COL11A1: variants seen among roughly 807,000 people sequenced by gnomAD.
COL11A1 encodes the protein collagen alpha-1(XI) chain.
COL11A1 carries 74 observed loss-of-function variants against 265.2 expected under a neutral mutation model. That is an observed-to-expected ratio of 0.28 (90% CI 0.23 to 0.34). The LOEUF is 0.34. COL11A1 is among the 10% of genes least tolerant of loss of function. The pLI, the probability that COL11A1 is intolerant of heterozygous loss-of-function variation, is 1.00. For synonymous variants in COL11A1, 816 were observed against 727.6 expected, an observed-to-expected ratio of 1.12 and a Z score of -1.96; for missense variants, 2,165 against 2,263.6, an observed-to-expected ratio of 0.96 and a Z score of 0.88.
At chr1:103,012,041 A>G (rs1055368366) in intron 14 of COL11A1, among the ~76,000 whole-genome samples, 9 of 152,180 alleles carry the variant, frequency 5.9e-5, no homozygotes, top group African/African-American at 1.9e-4. Context: ...GGCCTCAAAT[A>G]AATTTTTCTT....
intron 22 of COL11A1, 56 bp downstream of exon 22, chr1:103,002,691 G>T: frequency 6.9e-7 from 1 of 1,441,148 alleles, no homozygotes; most frequent in Non-Finnish European, 9.8e-7. Context: ...AACAAAAAAT[G>T]GTTTCTTAGG....
chr1:102,948,270 T>G (rs1301848619), intron 41 of COL11A1, among the ~76,000 whole-genome samples: 1 of 152,074 alleles, frequency 6.6e-6, no homozygotes, highest in East Asian at 1.9e-4. Context: ...TCCAGGTAGT[T>G]TATAGAGCTG....
At position 103,006,258 on chromosome 1, in the gene COL11A1, A is replaced by G; in HGVS notation, c.1737+4T>C. On this transcript the variant is annotated splice_donor_region_variant and intron_variant, in intron 16 of 66. Transcript: ENST00000370096. ...TCAAAATGCACAATGAAAATAAGCC[A>G]TACCCTTTTTCCAGGTTTTCCCGTT... 6.2e-7 allele frequency: 1 copy of G among 1,607,762 alleles called. No individual in the cohort carries two copies.
At chr1:102,915,445 A>G (rs573422305) in intron 50 of COL11A1, among the ~76,000 whole-genome samples, 186 bp downstream of exon 50, 1 of 152,218 alleles carries the variant, frequency 6.6e-6, no homozygotes, top group East Asian at 1.9e-4. Flanking sequence ...CAATTTGTTT[A>G]TCAATCCACA....
chr1:102,977,573 A>C (rs1189660850), intron 35 of COL11A1, among the ~76,000 whole-genome samples: 1 of 152,180 alleles, frequency 6.6e-6, no homozygotes, highest in Non-Finnish European at 1.5e-5. Flanking sequence ...TGAGAGAATC[A>C]GTGGTGCTCT....
intron 44 of COL11A1, among the ~76,000 whole-genome samples, chr1:102,937,037 A>T (rs1658218084): frequency 6.6e-6 from 1 of 152,178 alleles, no homozygotes; most frequent in Non-Finnish European, 1.5e-5. Flanking sequence ...CAAATGTAAC[A>T]ATGGTACTCT....
chr1:102,981,454 G>T (rs1472146453), intron 31 of COL11A1, among the ~76,000 whole-genome samples: 1 of 151,940 alleles, frequency 6.6e-6, no homozygotes, highest in Non-Finnish European at 1.5e-5. Context: ...CATATTTATA[G>T]ATACTTCATT....
At chr1:103,067,470 C>T (rs10782921) in intron 4 of COL11A1, among the ~76,000 whole-genome samples, 102,905 of 151,540 alleles carry the variant, frequency 0.68, 36,583 homozygotes, top group East Asian at 0.92. Context: ...AATTGTGTTA[C>T]GCAGCTAAAA....
At chr1:103,005,972 A>T (rs1665570089) in intron 17 of COL11A1, 81 bp from the exon 18 acceptor site, 1 of 1,611,834 alleles carries the variant, frequency 6.2e-7, no homozygotes, top group African/African-American at 1.3e-5. Flanking sequence ...TAAATGCGAA[A>T]TATTCTCTCA....
At chr1:103,055,640 C>A (rs145693625) in intron 4 of COL11A1, among the ~76,000 whole-genome samples, 1 of 152,152 alleles carries the variant, frequency 6.6e-6, no homozygotes, top group African/African-American at 2.4e-5. Flanking sequence ...ATACATTAAG[C>A]TTGTCCAACC....
chr1:102,910,639 C>T (rs1485313318), intron 54 of COL11A1, among the ~76,000 whole-genome samples: 3 of 152,020 alleles, frequency 2.0e-5, no homozygotes, highest in African/African-American at 7.2e-5. Context: ...TATGCCATAA[C>T]TCAGTGCTAA....
At chr1:102,881,559 A>C (rs1650243519) in intron 65 of COL11A1, 138 bp downstream of exon 65, 1 of 718,980 alleles carries the variant, frequency 1.4e-6, no homozygotes, top group African/African-American at 1.8e-5. Context: ...AGAGATATTA[A>C]GTGGAACAAA....
In COL11A1 at chr1:102,888,344, A is replaced by T. The variant is rs11164632; in HGVS notation, c.4608+233T>A. On this transcript the variant is annotated intron_variant, in intron 62 of 66. Coordinates refer to ENST00000370096, the MANE Select transcript of COL11A1 (RefSeq NM_001854.4). ...AATAGTATATGATTCTCTTGAAAAA[A>T]TAATAAAAACAAGACTATAATATAC... Among the ~76,000 whole-genome samples, 74,386 of 152,102 alleles carry T rather than the reference A, an allele frequency of 0.49. 21,793 individuals carry two copies. The highest frequency in any genetic ancestry group is 0.66 in the East Asian group (3,434 of 5,170).
At chr1:103,098,656 G>A (rs1401906389) in intron 1 of COL11A1, among the ~76,000 whole-genome samples, 1 of 151,828 alleles carries the variant, frequency 6.6e-6, no homozygotes, top group Non-Finnish European at 1.5e-5. Context: ...TGAAAAAGAT[G>A]TATTTCCTGC....
rs545721747 is a variant in COL11A1, at chr1:103,049,960, G to A, written c.652-18716C>T. ...TCTTCTGGCTTGTAGAGTTTCTGCC[G>A]AGAGATCAGCTGTTAATCTGATGGG... On this transcript the variant is annotated intron_variant, in intron 4 of 66. Transcript: ENST00000370096. Among the ~76,000 whole-genome samples, 89 of 152,256 alleles carry A rather than the reference G, an allele frequency of 5.8e-4. 1 individual carries two copies. Among genetic ancestry groups the A allele is most frequent in the Admixed American group, 2.0e-3 (30 of 15,292 alleles).
Position 103,015,668 on chromosome 1 carries a change from C to T in COL11A1, c.1488G>A (p.Pro496=), listed in dbSNP as rs772310071. ...CTCTATAACATAAAAAAGAACATAC[C>T]GGTAACATCAACATAGTACCAGGAG... ...PGPPGTMLML[P]FRYGGDGSKG... The change falls in exon 12 of 67, where the codon CCG becomes CCA. Residue 496 remains proline, a splice_region_variant and synonymous_variant. Coordinates refer to ENST00000370096, the MANE Select transcript of COL11A1 (RefSeq NM_001854.4). 1.6e-5 allele frequency: 25 copies of T among 1,601,790 alleles called. No individual in the cohort carries two copies. Among genetic ancestry groups the T allele is most frequent in the Non-Finnish European group, 2.0e-5 (23 of 1,172,180 alleles).
intron 15 of COL11A1, among the ~76,000 whole-genome samples, chr1:103,007,331 G>A (rs551732790): frequency 1.3e-5 from 2 of 151,938 alleles, no homozygotes; most frequent in Non-Finnish European, 2.9e-5. Flanking sequence ...ACTTTTCGTG[G>A]GGATCGATAT....
chr1:103,070,209 AAATAATAATAATAAT>A (rs140020554), intron 4 of COL11A1, among the ~76,000 whole-genome samples: 1 of 143,396 alleles, frequency 7.0e-6, no homozygotes, highest in Non-Finnish European at 1.5e-5. Context: ...CTACTCAGCA[AAATAATAATAATAAT>A]AATAATAATA....
chr1:102,991,316 T>C (rs188485093), intron 28 of COL11A1, among the ~76,000 whole-genome samples: 88 of 152,198 alleles, frequency 5.8e-4, no homozygotes, highest in Admixed American at 1.8e-3. Context: ...TAGGCACAAA[T>C]GCTTCCACAT....
Sources: gnomAD v4.1 joint callset for allele counts (sites outside exome capture counted in the v4.1 genomes callset) on GRCh38, gnomAD v4.1.1 for gene constraint, MANE v1.5 for transcripts, NCBI Gene and HGNC (gene_info 2026-07-23, HGNC 2026-07-21) for gene names.